NDUFAF2: variants seen among roughly 807,000 people sequenced by gnomAD.
NDUFAF2 encodes the protein NADH dehydrogenase [ubiquinone] 1 alpha subcomplex assembly factor 2.
A neutral mutation model predicts 22.8 loss-of-function variants in NDUFAF2; 13 were observed. The observed-to-expected ratio is 0.57, with a 90% CI of 0.37 to 0.91. The LOEUF (loss-of-function observed/expected upper bound fraction) is 0.91, where lower values mean the gene tolerates loss of function less well. NDUFAF2 is among the 40% of genes least tolerant of loss of function. The pLI is 0.01. For synonymous variants in NDUFAF2, 53 were observed against 64.2 expected (o/e 0.83, Z 0.84); for missense variants, 162 against 195.2 (o/e 0.83, Z 1.01).
chr5:60,995,810 G>C (rs1326507222), intron 1 of NDUFAF2, among the ~76,000 whole-genome samples: 5 of 152,218 alleles, frequency 3.3e-5, no homozygotes, highest in Non-Finnish European at 5.9e-5. Context: ...TCAGGGAATA[G>C]AGTGAAAAAC....
At chr5:61,037,953 G>A (rs898276945) in intron 1 of NDUFAF2, among the ~76,000 whole-genome samples, 1 of 151,450 alleles carries the variant, frequency 6.6e-6, no homozygotes, top group Non-Finnish European at 1.5e-5. Flanking sequence ...TAGTAGTTGA[G>A]CTGCAAAAAA....
intron 1 of NDUFAF2, among the ~76,000 whole-genome samples, chr5:60,960,013 C>A (rs1750663461): frequency 6.6e-6 from 1 of 152,106 alleles, no homozygotes; most frequent in Non-Finnish European, 1.5e-5. Flanking sequence ...CACAGTCGTA[C>A]CTGTCAGTTC....
At chr5:61,139,004 T>G (rs1320791760) in intron 3 of NDUFAF2, among the ~76,000 whole-genome samples, 1 of 152,230 alleles carries the variant, frequency 6.6e-6, no homozygotes, top group Non-Finnish European at 1.5e-5. Context: ...CTTCAGCATA[T>G]GTAGACAATA....
intron 3 of NDUFAF2, among the ~76,000 whole-genome samples, chr5:61,131,973 A>T (rs1169979265): frequency 6.6e-6 from 1 of 152,214 alleles, no homozygotes; most frequent in Non-Finnish European, 1.5e-5. Flanking sequence ...AAGAGAAAAG[A>T]ACATTCTGAA....
intron 2 of NDUFAF2, among the ~76,000 whole-genome samples, chr5:61,098,683 T>G (rs1008029483): frequency 6.6e-6 from 1 of 152,340 alleles, no homozygotes. Context: ...ATATACCCAG[T>G]CGAATTTAGA....
chr5:61,056,919 A>AATATATATATATATATATAT (rs1174310851), intron 1 of NDUFAF2, among the ~76,000 whole-genome samples: 11 of 28,798 alleles, frequency 3.8e-4, no homozygotes, highest in Admixed American at 6.1e-4. Context: ...AAAAAAAAAA[A>AATATATATATATATATATAT]ATATATATAT....
intron 1 of NDUFAF2, among the ~76,000 whole-genome samples, chr5:61,012,186 A>G (rs1751451011): frequency 1.3e-5 from 2 of 151,910 alleles, no homozygotes; most frequent in South Asian, 4.2e-4. Context: ...TTCTTTCTTC[A>G]GCTCACCCAT....
At chr5:61,048,523 A>G (rs1275413136) in intron 1 of NDUFAF2, among the ~76,000 whole-genome samples, 1 of 152,148 alleles carries the variant, frequency 6.6e-6, no homozygotes, top group Non-Finnish European at 1.5e-5. Flanking sequence ...TTGTTGAATA[A>G]GTAAATTTGC....
chr5:60,967,921 A>C (rs1750778842), intron 1 of NDUFAF2, among the ~76,000 whole-genome samples: 2 of 151,126 alleles, frequency 1.3e-5, no homozygotes, highest in Non-Finnish European at 3.0e-5. Context: ...GATTGGTATT[A>C]GGTCTTCTTT....
intron 1 of NDUFAF2, among the ~76,000 whole-genome samples, chr5:61,058,657 A>C (rs192458672): frequency 2.0e-5 from 3 of 152,140 alleles, no homozygotes; most frequent in African/African-American, 7.2e-5. Flanking sequence ...TAATTTAGAT[A>C]TATTCATAGC....
chr5:61,122,874 A>G (rs1018161955), intron 3 of NDUFAF2, among the ~76,000 whole-genome samples: 13 of 152,148 alleles, frequency 8.5e-5, no homozygotes, highest in Non-Finnish European at 1.8e-4. Context: ...TCTACAGAAT[A>G]TATTTTGCTT....
intron 1 of NDUFAF2, among the ~76,000 whole-genome samples, chr5:60,980,493 C>T (rs1165379780): frequency 6.6e-6 from 1 of 152,120 alleles, no homozygotes; most frequent in Non-Finnish European, 1.5e-5. Context: ...TCAAGCAGGG[C>T]AGGTGCAGTA....
chr5:61,018,392 CATT>C (rs533285760), intron 1 of NDUFAF2, among the ~76,000 whole-genome samples: 214 of 152,214 alleles, frequency 1.4e-3, no homozygotes, highest in Non-Finnish European at 2.5e-3. Flanking sequence ...TGTCTATAGT[CATT>C]ATATTCTGAA....
intron 1 of NDUFAF2, among the ~76,000 whole-genome samples, chr5:61,006,843 A>G (rs1751373081): frequency 6.6e-6 from 1 of 152,132 alleles, no homozygotes; most frequent in Non-Finnish European, 1.5e-5. Flanking sequence ...CTTAAAATTA[A>G]TGATCATTTT....
intron 1 of NDUFAF2, among the ~76,000 whole-genome samples, chr5:61,010,146 A>G (rs1203309529): frequency 6.6e-6 from 1 of 151,818 alleles, no homozygotes; most frequent in South Asian, 2.1e-4. Context: ...TTGATTTTCT[A>G]CCTCCAACCT....
At position 61,011,143 on chromosome 5, in the gene NDUFAF2, T is replaced by C. The variant is rs567438085; in HGVS notation, c.128-61982T>C. On this transcript the variant is annotated intron_variant, in intron 1 of 3. Coordinates refer to ENST00000296597, the MANE Select transcript of NDUFAF2 (RefSeq NM_174889.5). ...AGTTAGTGTTACATAGTTACTTCCTTATGTATTTTTACTTGCTGATATAGC... is the reference window on the plus strand; with the variant it reads ...AGTTAGTGTTACATAGTTACTTCCTCATGTATTTTTACTTGCTGATATAGC... 3.3e-5 allele frequency among the ~76,000 whole-genome samples: 5 copies of C among 152,294 alleles called. No individual in the cohort carries two copies. The South Asian group carries it at 1.0e-3, about 32-fold the overall frequency.
rs746292576 is a variant in NDUFAF2 at position 61,152,713 on chromosome 5, A to C, written c.268A>C (p.Lys90Gln). The change falls in exon 4 of 4, where the codon AAG (lysine) becomes CAG (glutamine). Residue 90 changes from lysine (K) to glutamine (Q), a missense_variant. Coordinates refer to ENST00000296597, the MANE Select transcript of NDUFAF2 (RefSeq NM_174889.5). ...TTATATATACATGCAGGAAATACTA[A>C]AGAATGAAAAACACAGAGAAGAAAT... ...KTPPTMEEIL[K>Q]NEKHREEIKI... is the part of the protein sequence containing the mutation. 11 of 1,562,184 alleles carry C rather than the reference A, an allele frequency of 7.0e-6. No homozygotes were observed. In the East Asian group the frequency reaches 2.1e-4, roughly 30 times the overall value.
At chr5:61,041,250 T>C (rs1751878751) in intron 1 of NDUFAF2, among the ~76,000 whole-genome samples, 1 of 152,172 alleles carries the variant, frequency 6.6e-6, no homozygotes, top group African/African-American at 2.4e-5. Flanking sequence ...CAAGTAATAT[T>C]CTTATCTCAA....
At chr5:61,048,371 T>C (rs1369327934) in intron 1 of NDUFAF2, among the ~76,000 whole-genome samples, 3 of 152,202 alleles carry the variant, frequency 2.0e-5, no homozygotes, top group African/African-American at 7.2e-5. Context: ...CTACTCACAT[T>C]AAACTTTAAA....
Sources: allele counts gnomAD v4.1 joint callset (sites outside exome capture counted in the v4.1 genomes callset), GRCh38; gene constraint gnomAD v4.1.1; transcripts MANE v1.5; gene names NCBI Gene and HGNC (gene_info 2026-07-23, HGNC 2026-07-21).